DPP10: variants seen among roughly 807,000 people sequenced by gnomAD.
DPP10 encodes inactive dipeptidyl peptidase 10.
DPP10 carries 33 observed loss-of-function variants against 120.9 expected under a neutral mutation model. The observed-to-expected ratio is 0.27, with a 90% CI of 0.21 to 0.37. The LOEUF is 0.37. DPP10 is among the 10% of genes least tolerant of loss of function. DPP10 has a pLI of 1.00. For synonymous variants in DPP10, 337 were observed against 326.1 expected (o/e 1.03, Z -0.36); for missense variants, 816 against 942.8 (o/e 0.87, Z 1.76).
At chr2:115,232,504 A>C (rs1161053258) in intron 1 of DPP10, among the ~76,000 whole-genome samples, 1 of 152,082 alleles carries the variant, frequency 6.6e-6, no homozygotes, top group Non-Finnish European at 1.5e-5. Flanking sequence ...TTCAATCTTC[A>C]GTTTTGATTT....
At chr2:115,001,762 G>T (rs1574668963) in intron 1 of DPP10, among the ~76,000 whole-genome samples, 1 of 152,190 alleles carries the variant, frequency 6.6e-6, no homozygotes, top group South Asian at 2.1e-4. Context: ...GCCAAGTCAA[G>T]AATGCAATCC....
chr2:114,881,913 A>G (rs551927656), intron 1 of DPP10, among the ~76,000 whole-genome samples: 2 of 152,296 alleles, frequency 1.3e-5, no homozygotes, highest in African/African-American at 4.8e-5. Context: ...AGTAATATAC[A>G]TAATGATCAT....
At position 114,452,519 on chromosome 2, in the gene DPP10, A is replaced by G. The variant is rs1409602233; in HGVS notation, c.60+9681A>G. On this transcript the variant is annotated intron_variant, in intron 1 of 25. Transcript: ENST00000410059. Reference sequence around the variant, plus strand: ...CATTTTGCAGACAAGAAAGCCAAGGATTAGAAAGGAAAAATAGGCAAACGT... The same window carrying G: ...CATTTTGCAGACAAGAAAGCCAAGGGTTAGAAAGGAAAAATAGGCAAACGT... Among the ~76,000 whole-genome samples, 5 of 152,274 alleles carry G rather than the reference A, an allele frequency of 3.3e-5. No homozygotes were observed. In the East Asian group the frequency reaches 7.7e-4, roughly 23 times the overall value.
At chr2:114,462,865 C>T (rs1679045482) in intron 1 of DPP10, among the ~76,000 whole-genome samples, 1 of 152,168 alleles carries the variant, frequency 6.6e-6, no homozygotes, top group Admixed American at 6.5e-5. Flanking sequence ...TCTCCCACCC[C>T]CTGTTGACTT....
At chr2:115,824,086 A>G (rs1688068300) in intron 21 of DPP10, among the ~76,000 whole-genome samples, 1 of 152,152 alleles carries the variant, frequency 6.6e-6, no homozygotes, top group African/African-American at 2.4e-5. Flanking sequence ...ATTCATTATT[A>G]TGGACTTTGC....
At chr2:114,651,790 T>C (rs1367919361) in intron 1 of DPP10, among the ~76,000 whole-genome samples, 1 of 152,170 alleles carries the variant, frequency 6.6e-6, no homozygotes, top group Non-Finnish European at 1.5e-5. Context: ...TGAAAATCAC[T>C]GTTCATACAA....
intron 1 of DPP10, among the ~76,000 whole-genome samples, chr2:114,506,648 C>A (rs112898311): frequency 6.6e-6 from 1 of 152,072 alleles, no homozygotes; most frequent in South Asian, 2.1e-4. Context: ...TTGCTCCTGC[C>A]GGCACCCAAA....
At chr2:115,231,276 A>G (rs2057721793) in intron 1 of DPP10, among the ~76,000 whole-genome samples, 1 of 152,118 alleles carries the variant, frequency 6.6e-6, no homozygotes, top group Admixed American at 6.6e-5. Flanking sequence ...ACGAATGTCC[A>G]TATTCTTTTA....
chr2:114,760,044 C>T (rs1317440709), intron 1 of DPP10, among the ~76,000 whole-genome samples: 1 of 152,194 alleles, frequency 6.6e-6, no homozygotes, highest in African/African-American at 2.4e-5. Context: ...CATTACCACC[C>T]TAATCTGAGC....
intron 1 of DPP10, among the ~76,000 whole-genome samples, chr2:115,062,286 G>T (rs1706480160): frequency 1.3e-5 from 2 of 151,828 alleles, no homozygotes; most frequent in South Asian, 4.2e-4. Flanking sequence ...AACATTTAAG[G>T]ATCAGTAAAT....
rs758727279 is a variant in DPP10, at chr2:114,442,770, T to A, written c.-9T>A. On this transcript the variant is annotated 5_prime_UTR_variant, in exon 1 of 26. Coordinates refer to ENST00000410059, the MANE Select transcript of DPP10 (RefSeq NM_020868.6). ...GCCTGGGATTGTGCACTGTCCAGGGTCCTGAAACATGAACCAAACTGCCAG... is the reference window on the plus strand; with the variant it reads ...GCCTGGGATTGTGCACTGTCCAGGGACCTGAAACATGAACCAAACTGCCAG... 6.2e-7 allele frequency: 1 copy of A among 1,613,144 alleles called. No individual in the cohort carries two copies. Among genetic ancestry groups the A allele is most frequent in the South Asian group, 1.1e-5 (1 of 91,062 alleles).
At chr2:115,503,863 G>C (rs1170221806) in intron 4 of DPP10, among the ~76,000 whole-genome samples, 2 of 152,112 alleles carry the variant, frequency 1.3e-5, no homozygotes, top group African/African-American at 2.4e-5. Context: ...GGAATCTAGT[G>C]AGTAGAGGTC....
intron 1 of DPP10, among the ~76,000 whole-genome samples, chr2:114,445,692 G>C (rs939052153): frequency 2.6e-5 from 4 of 152,010 alleles, no homozygotes; most frequent in Admixed American, 2.6e-4. Flanking sequence ...TGGAAAAGAG[G>C]AAATTGGGAG....
intron 1 of DPP10, among the ~76,000 whole-genome samples, chr2:114,979,090 G>A (rs1288561404): frequency 6.6e-6 from 1 of 152,010 alleles, no homozygotes; most frequent in East Asian, 1.9e-4. Context: ...TGATCTAACA[G>A]CTGATCATAT....
intron 1 of DPP10, among the ~76,000 whole-genome samples, chr2:114,614,236 G>A (rs765454044): frequency 2.2e-4 from 33 of 152,050 alleles, no homozygotes; most frequent in Non-Finnish European, 4.7e-4. Flanking sequence ...GATTTTTGCA[G>A]GTCTTTCAAA....
At chr2:115,148,327 A>C (rs2051344839) in intron 1 of DPP10, among the ~76,000 whole-genome samples, 1 of 152,292 alleles carries the variant, frequency 6.6e-6, no homozygotes, top group East Asian at 1.9e-4. Context: ...ACATATTTAC[A>C]AGCATGGAAA....
chr2:115,535,879 T>C (rs1382242508), intron 5 of DPP10, among the ~76,000 whole-genome samples: 2 of 152,008 alleles, frequency 1.3e-5, no homozygotes, highest in African/African-American at 4.8e-5. Context: ...GAAGCAATTG[T>C]GAATGGGAGT....
intron 1 of DPP10, among the ~76,000 whole-genome samples, chr2:115,292,368 G>A (rs530933696): frequency 6.6e-6 from 1 of 151,962 alleles, no homozygotes; most frequent in Non-Finnish European, 1.5e-5. Context: ...TTGCTAAATA[G>A]TACCAGAGAA....
chr2:115,458,830 A>G (rs965117478), intron 3 of DPP10, among the ~76,000 whole-genome samples: 2 of 152,190 alleles, frequency 1.3e-5, no homozygotes, highest in Non-Finnish European at 2.9e-5. Context: ...ACTTATGCAC[A>G]TTACTTATAT....
Sources: gnomAD v4.1 joint callset for allele counts (sites outside exome capture counted in the v4.1 genomes callset) on GRCh38, gnomAD v4.1.1 for gene constraint, MANE v1.5 for transcripts, NCBI Gene and HGNC (gene_info 2026-07-23, HGNC 2026-07-21) for gene names.